FANK1: variants seen among roughly 807,000 people sequenced by gnomAD.
FANK1 encodes fibronectin type III and ankyrin repeat domains 1.
A neutral mutation model predicts 45.3 loss-of-function variants in FANK1; 44 were observed. That is an observed-to-expected ratio of 0.97 (90% CI 0.76 to 1.25). The LOEUF (loss-of-function observed/expected upper bound fraction) is 1.25, where lower values mean the gene tolerates loss of function less well. FANK1 is among the 50% of genes most tolerant of loss of function. The probability of loss-of-function intolerance (pLI) is 0.00; values close to 1 mark genes in which losing one functional copy is unlikely to be tolerated. For synonymous variants in FANK1, 149 were observed against 152.5 expected, an observed-to-expected ratio of 0.98 and a Z score of 0.17; for missense variants, 391 against 424.4, an observed-to-expected ratio of 0.92 and a Z score of 0.69.
intron 1 of FANK1, among the ~76,000 whole-genome samples, chr10:125,921,696 G>A (rs10901469): frequency 0.37 from 55,572 of 151,130 alleles, 10,568 homozygotes; most frequent in Non-Finnish European, 0.44. Flanking sequence ...GTCTTTCAAG[G>A]AATTGATCTA....
At chr10:126,006,979 A>G (rs1435013467) in intron 7 of FANK1, 1 of 152,206 alleles carries the variant, frequency 6.6e-6, no homozygotes, top group Non-Finnish European at 1.5e-5. Context: ...GATAAATTCC[A>G]TCTTTCTTTG....
At chr10:125,996,444 A>C in intron 4 of FANK1, 106 bp from the exon 5 acceptor site, 1 of 938,228 alleles carries the variant, frequency 1.1e-6, no homozygotes. Context: ...TGGAATTTTC[A>C]GTAAAATGAG....
chr10:125,914,888 C>T (rs551642960), intron 1 of FANK1, among the ~76,000 whole-genome samples: 11 of 151,994 alleles, frequency 7.2e-5, no homozygotes, highest in South Asian at 4.2e-4. Flanking sequence ...GACTTAGGTG[C>T]GGAGGGGATG....
intron 1 of FANK1, among the ~76,000 whole-genome samples, chr10:125,900,227 T>C: frequency 6.6e-6 from 1 of 152,304 alleles, no homozygotes. Flanking sequence ...TGGTTTTGGC[T>C]CTTGGCTTGC....
At chr10:125,968,281 A>G (rs1950298666) in intron 1 of FANK1, among the ~76,000 whole-genome samples, 2 of 152,042 alleles carry the variant, frequency 1.3e-5, no homozygotes, top group Non-Finnish European at 2.9e-5. Flanking sequence ...TTTTTGATTA[A>G]TGGTTGCTGT....
At chr10:125,942,128 A>G (rs1476442448) in intron 1 of FANK1, among the ~76,000 whole-genome samples, 1 of 152,248 alleles carries the variant, frequency 6.6e-6, no homozygotes, top group Non-Finnish European at 1.5e-5. Flanking sequence ...CTCTGTATAT[A>G]AAGAGTAATC....
At chr10:125,926,766 C>T (rs1308446362) in intron 1 of FANK1, among the ~76,000 whole-genome samples, 1 of 152,016 alleles carries the variant, frequency 6.6e-6, no homozygotes, top group African/African-American at 2.4e-5. Flanking sequence ...CACTTGAGAT[C>T]ATTTTCTTCC....
chr10:125,934,035 C>T (rs536060502), intron 1 of FANK1, among the ~76,000 whole-genome samples: 23 of 151,968 alleles, frequency 1.5e-4, no homozygotes, highest in Non-Finnish European at 3.4e-4. Context: ...TTTATTGAGG[C>T]TTGTTTTATT....
In FANK1 at chr10:125,919,329, G is replaced by C. The variant is rs78925007; in HGVS notation, c.13+22674G>C. On this transcript the variant is annotated intron_variant, in intron 1 of 10. Coordinates refer to ENST00000368693, the MANE Select transcript of FANK1 (RefSeq NM_145235.5). ...CAAGCAATTCTCCTGCCTCAGCCTCGCTAGTAGCTGGGATTACAGGCACAC... is the reference window on the plus strand; with the variant it reads ...CAAGCAATTCTCCTGCCTCAGCCTCCCTAGTAGCTGGGATTACAGGCACAC... Among the ~76,000 whole-genome samples, 992 of 144,326 alleles carry C rather than the reference G, an allele frequency of 6.9e-3. 5 individuals are homozygous for C. Among genetic ancestry groups the C allele is most frequent in the African/African-American group, 0.024 (916 of 38,958 alleles). The allele number at this position is 144,326 out of a possible 152,430, so 94.7% of individuals were successfully genotyped here.
intron 1 of FANK1, among the ~76,000 whole-genome samples, chr10:125,962,396 A>G (rs1949979482): frequency 6.6e-6 from 1 of 152,080 alleles, no homozygotes; most frequent in Non-Finnish European, 1.5e-5. Flanking sequence ...TTGGACCATT[A>G]TTTCAAACAT....
intron 1 of FANK1, among the ~76,000 whole-genome samples, chr10:125,933,656 T>G (rs1309513014): frequency 1.3e-5 from 2 of 152,148 alleles, no homozygotes; most frequent in Non-Finnish European, 2.9e-5. Flanking sequence ...TCTTGGTAAT[T>G]TCCTTTCTTC....
chr10:125,958,629 C>T lies in FANK1; in HGVS notation c.14-21532C>T, dbSNP rs554970211. On this transcript the variant is annotated intron_variant, in intron 1 of 10. Transcript: ENST00000368693. ...CAAGAGTGTTTAAGAGTTCCCTTTTCTCTACATCCTCACTAGCATTTGTTA... is the reference window on the plus strand; with the variant it reads ...CAAGAGTGTTTAAGAGTTCCCTTTTTTCTACATCCTCACTAGCATTTGTTA... Among the ~76,000 whole-genome samples the T allele has an allele frequency of 5.9e-5, 9 of 152,290 alleles. 1 individual carries two copies. The South Asian group carries it at 1.2e-3, about 21-fold the overall frequency.
At chr10:125,971,353 C>T (rs73368659) in intron 1 of FANK1, among the ~76,000 whole-genome samples, 84 of 152,034 alleles carry the variant, frequency 5.5e-4, no homozygotes, top group African/African-American at 2.0e-3. Flanking sequence ...CTTTCTATAC[C>T]ATCTTTCCTT....
At chr10:126,003,062 T>G in intron 6 of FANK1, among the ~76,000 whole-genome samples, 1 of 151,600 alleles carries the variant, frequency 6.6e-6, no homozygotes. Context: ...CATCTGGCCA[T>G]TCTCTCTCTT....
chr10:125,983,418 A>G lies in FANK1; in HGVS notation c.191+3080A>G, dbSNP rs941752027. 6.6e-6 allele frequency among the ~76,000 whole-genome samples: 1 copy of G among 152,152 alleles called. No homozygotes were observed. Among genetic ancestry groups the G allele is most frequent in the Non-Finnish European group, 1.5e-5 (1 of 68,028 alleles). On this transcript the variant is annotated intron_variant, in intron 2 of 10. Transcript: ENST00000368693. This position sits in a 1 kb window ranked among gnomAD's most constrained non-coding sequence, Gnocchi z 4.3. ...ACTGGGAAAAAATTCCTCCCTCATG[A>G]TGATGAAGGCAAACAATAAATAAGA...
intron 4 of FANK1, among the ~76,000 whole-genome samples, chr10:125,996,222 C>T (rs1490565570): frequency 6.6e-6 from 1 of 152,208 alleles, no homozygotes; most frequent in African/African-American, 2.4e-5. Flanking sequence ...GCAGTGAAGA[C>T]ACTGTCCTCA....
chr10:125,943,038 T>C (rs1047538842), intron 1 of FANK1, among the ~76,000 whole-genome samples: 3 of 152,134 alleles, frequency 2.0e-5, no homozygotes, highest in Non-Finnish European at 4.4e-5. Context: ...GGTCTCGAAC[T>C]TCTGACCTCG....
intron 1 of FANK1, among the ~76,000 whole-genome samples, chr10:125,953,157 G>C (rs1251383125): frequency 1.3e-5 from 2 of 152,194 alleles, no homozygotes; most frequent in Non-Finnish European, 2.9e-5. Context: ...TTTCTAGCCA[G>C]TTCCCAGTGA....
chr10:125,902,653 C>T lies in FANK1; in HGVS notation c.13+5998C>T, dbSNP rs1395937519. On this transcript the variant is annotated intron_variant, in intron 1 of 10. Transcript: ENST00000368693. ...TCTAACCTAAACGAGATGTTTTAAA[C>T]GAGTCTCATTCTATCCGGTAAGAAT... is the stretch of plus-strand genomic sequence containing the variant. Among the ~76,000 whole-genome samples the T allele has an allele frequency of 8.5e-5, 13 of 152,120 alleles. No individual in the cohort carries two copies. The South Asian group carries it at 1.7e-3, about 19-fold the overall frequency.
Sources: allele counts gnomAD v4.1 joint callset (sites outside exome capture counted in the v4.1 genomes callset), GRCh38; gene constraint gnomAD v4.1.1; non-coding constraint Gnocchi (gnomAD v3.1); transcripts MANE v1.5; gene names NCBI Gene and HGNC (gene_info 2026-07-23, HGNC 2026-07-21).